TBC1D21: variants seen among roughly 807,000 people sequenced by gnomAD.
TBC1D21 encodes the protein male germ cell Rab GTPase-activating protein.
TBC1D21 carries 38 observed loss-of-function variants against 46.0 expected under a neutral mutation model. That is an observed-to-expected ratio of 0.83 (90% CI 0.64 to 1.08). TBC1D21 has a LOEUF of 1.08. TBC1D21 is among the 50% of genes least tolerant of loss of function. TBC1D21 has a pLI of 0.00. For synonymous variants in TBC1D21, 151 were observed against 157.2 expected, an observed-to-expected ratio of 0.96 and a Z score of 0.29; for missense variants, 415 against 417.9, an observed-to-expected ratio of 0.99 and a Z score of 0.06.
At chr15:73,904,603 C>G in the TBC1D21 span, among the ~76,000 whole-genome samples, 1 of 152,138 alleles carries the variant, frequency 6.6e-6, no homozygotes, top group Non-Finnish European at 1.5e-5. Context: ...AGGTCTGAGG[C>G]AGGGCAGAAT....
In TBC1D21 at chr15:73,889,185, A is replaced by G; in HGVS notation, c.*84A>G. Reference sequence around the variant, plus strand: ...ACTGGAGTGAGGGAGTAGATAAAACAGCTGCAATATAAACAGTCCTCTGGA... The same window carrying G: ...ACTGGAGTGAGGGAGTAGATAAAACGGCTGCAATATAAACAGTCCTCTGGA... On this transcript the variant is annotated 3_prime_UTR_variant, in exon 11 of 11. Transcript: ENST00000300504. 6.8e-7 allele frequency: 1 copy of G among 1,465,348 alleles called. No homozygotes were observed. The highest frequency in any genetic ancestry group is 9.4e-7 in the Non-Finnish European group (1 of 1,059,286). 90.8% of individuals were successfully genotyped at this position (1,465,348 alleles called of 1,614,324 possible).
rs200309836 is a variant in TBC1D21 at position 73,885,102 on chromosome 15, C to T, written c.578C>T (p.Thr193Met). 116 of 1,611,788 alleles carry T rather than the reference C, an allele frequency of 7.2e-5. No homozygotes were observed. Among genetic ancestry groups the T allele is most frequent in the South Asian group, 1.3e-4 (12 of 91,070 alleles). The change falls in exon 6 of 11, where the codon ACG (threonine) becomes ATG (methionine). Residue 193 changes from threonine (T) to methionine (M), a missense_variant and splice_region_variant. Physicochemically the swap from Thr to Met is moderately conservative, Grantham distance 81 (BLOSUM62 -1). Coordinates refer to ENST00000300504, the MANE Select transcript of TBC1D21 (RefSeq NM_153356.3). ...FWLFQFFLQKTEHSCVINIGV... is the reference protein window; with the variant it reads ...FWLFQFFLQKMEHSCVINIGV... ...CTTTTCCAGTTCTTCCTGCAGAAAA[C>T]GGTGAGGGCAAGGCCTGAGCTCAGG...
In TBC1D21 at chr15:73,886,148, T is replaced by G; in HGVS notation, c.650T>G (p.Leu217Arg). Reference protein sequence around the residue: ...LDMLSTLITFLDPVFAEHLKG... With the variant: ...LDMLSTLITFRDPVFAEHLKG... ...ATGCTCAGCACCCTGATCACCTTCCTGGACCCCGTGTTTGCTGAGCACCTA... is the reference window on the plus strand; with the variant it reads ...ATGCTCAGCACCCTGATCACCTTCCGGGACCCCGTGTTTGCTGAGCACCTA... The change falls in exon 7 of 11, where the codon CTG becomes CGG. Residue 217 changes from leucine to arginine, a missense_variant. Coordinates refer to ENST00000300504, the MANE Select transcript of TBC1D21 (RefSeq NM_153356.3). 1 of 1,614,224 alleles carries G rather than the reference T, an allele frequency of 6.2e-7. No homozygotes were observed. Among genetic ancestry groups the G allele is most frequent in the Non-Finnish European group, 8.5e-7 (1 of 1,180,020 alleles).
chr15:73,893,472 C>T (rs528925326), downstream of TBC1D21, among the ~76,000 whole-genome samples: 39 of 152,304 alleles, frequency 2.6e-4, no homozygotes, highest in South Asian at 4.1e-4. Context: ...TCACCCTCAC[C>T]TCTCTTTCAC....
At chr15:73,902,891 C>A in the TBC1D21 span, among the ~76,000 whole-genome samples, 1 of 152,214 alleles carries the variant, frequency 6.6e-6, no homozygotes, top group Middle Eastern at 3.2e-3. Flanking sequence ...GGAGGCCCCC[C>A]TCTACATTTC....
chr15:73,886,287 T>C, intron 7 of TBC1D21, 113 bp downstream of exon 7: 1 of 1,002,514 alleles, frequency 1.0e-6, no homozygotes, highest in Non-Finnish European at 1.5e-6. Flanking sequence ...CAGAATCATT[T>C]GATTGCTTCT....
Position 73,886,128 on chromosome 15 carries a change from C to T in TBC1D21, c.630C>T (p.Leu210=). ...NIGVAKNLDM[L]STLITFLDPV... ...GCGTGGCCAAGAACCTAGACATGCT[C>T]AGCACCCTGATCACCTTCCTGGACC... The change falls in exon 7 of 11, where the codon CTC becomes CTT. Residue 210 remains leucine, a synonymous_variant. Coordinates refer to ENST00000300504, the MANE Select transcript of TBC1D21 (RefSeq NM_153356.3). 1.9e-6 allele frequency: 3 copies of T among 1,614,230 alleles called. No individual in the cohort carries two copies. Among genetic ancestry groups the T allele is most frequent in the Non-Finnish European group, 2.5e-6 (3 of 1,180,038 alleles).
chr15:73,903,777 T>C, the TBC1D21 span, among the ~76,000 whole-genome samples: 1 of 152,198 alleles, frequency 6.6e-6, no homozygotes, highest in Non-Finnish European at 1.5e-5. Context: ...TATTCTGGGC[T>C]GGGCACGGTG....
chr15:73,880,500 G>T (rs974587427), intron 1 of TBC1D21, among the ~76,000 whole-genome samples: 1 of 152,208 alleles, frequency 6.6e-6, no homozygotes, highest in Non-Finnish European at 1.5e-5. Flanking sequence ...GCCAGGTGCG[G>T]TGACTAACGC....
the TBC1D21 span, among the ~76,000 whole-genome samples, chr15:73,901,053 G>A: frequency 6.6e-6 from 1 of 152,206 alleles, no homozygotes; most frequent in African/African-American, 2.4e-5. Context: ...CAGGATGTTA[G>A]AAAGTTGTCG....
At chr15:73,906,487 G>A in the TBC1D21 span, among the ~76,000 whole-genome samples, 2 of 152,198 alleles carry the variant, frequency 1.3e-5, no homozygotes, top group Non-Finnish European at 2.9e-5. Context: ...AAAGAAGGAT[G>A]AGGGACCAGC....
At chr15:73,888,914 A>G (rs7170803) in intron 10 of TBC1D21, among the ~76,000 whole-genome samples, 155 bp from the exon 11 acceptor site, 151,645 of 152,344 alleles carry the variant, frequency 1, 75,477 homozygotes, top group East Asian at 1. Context: ...AGCAGGCTGT[A>G]CTACTTGAGA....
chr15:73,895,889 G>T, the TBC1D21 span, among the ~76,000 whole-genome samples: 1 of 152,308 alleles, frequency 6.6e-6, no homozygotes, highest in African/African-American at 2.4e-5. Flanking sequence ...ATTCTTCTCT[G>T]CCCGGGCTCC....
intron 1 of TBC1D21, among the ~76,000 whole-genome samples, chr15:73,878,827 G>A (rs969275687): frequency 3.3e-5 from 5 of 152,102 alleles, no homozygotes; most frequent in African/African-American, 9.7e-5. Flanking sequence ...TAAGGATCCC[G>A]GGACACAGCC....
At chr15:73,904,057 T>A in the TBC1D21 span, among the ~76,000 whole-genome samples, 39 of 152,114 alleles carry the variant, frequency 2.6e-4, no homozygotes, top group South Asian at 4.2e-4. Flanking sequence ...CAAAAAAATA[T>A]ATATATATAT....
At chr15:73,876,948 T>C (rs1595817755) in intron 1 of TBC1D21, among the ~76,000 whole-genome samples, 1 of 152,316 alleles carries the variant, frequency 6.6e-6, no homozygotes, top group African/African-American at 2.4e-5. Context: ...GTTAAGCCTC[T>C]GACTGTTGCA....
chr15:73,904,039 C>A, the TBC1D21 span, among the ~76,000 whole-genome samples: 1 of 151,306 alleles, frequency 6.6e-6, no homozygotes, highest in African/African-American at 2.4e-5. Flanking sequence ...CAGAGCGAGA[C>A]TCCGTCTCAA....
In TBC1D21 at chr15:73,876,199, GTTTT is replaced by G. The variant is rs539517539; in HGVS notation, c.60+2473_60+2476del. ...GAAGAATCAGTGACTTTTTTTGTGG[GTTTT>G]TTTTTTTTTTTTTTTTTTTTTTTTT... is the stretch of plus-strand genomic sequence containing the variant. On this transcript the variant is annotated intron_variant, in intron 1 of 10. Transcript: ENST00000300504. 6.3e-3 allele frequency among the ~76,000 whole-genome samples: 177 copies of G among 28,310 alleles called. 20 individuals are homozygous for G. The highest frequency in any genetic ancestry group is 9.2e-3 in the Non-Finnish European group (49 of 5,338). 18.6% of individuals were successfully genotyped at this position (28,310 alleles called of 152,430 possible).
In TBC1D21 at chr15:73,884,718, T is replaced by G. The variant is rs558624738; in HGVS notation, c.368-63T>G. 1.1e-5 allele frequency: 14 copies of G among 1,224,926 alleles called. 1 individual carries two copies. The South Asian group carries it at 1.8e-4, about 16-fold the overall frequency. 75.9% of individuals were successfully genotyped at this position (1,224,926 alleles called of 1,614,324 possible). A position where few individuals can be genotyped will look rare whatever the true frequency, so the allele number is the denominator to read the frequency against. On this transcript the variant is annotated intron_variant, in intron 4 of 10. Transcript: ENST00000300504. ...CTGCCCATTGGGGTAGGGGAAGAAA[T>G]TCACCCATAGACCTGCTGGATGTGA...
Sources: gnomAD v4.1 joint callset for allele counts (sites outside exome capture counted in the v4.1 genomes callset) on GRCh38, gnomAD v4.1.1 for gene constraint, MANE v1.5 for transcripts, NCBI Gene and HGNC (gene_info 2026-07-23, HGNC 2026-07-21) for gene names.